Variants in NDUFAF2 observed in about 807,000 individuals in gnomAD.
NDUFAF2 encodes NADH dehydrogenase [ubiquinone] 1 alpha subcomplex assembly factor 2.
In NDUFAF2, 13 loss-of-function variants were observed where a neutral mutation model predicts 22.8. The ratio of observed to expected loss-of-function variants is 0.57; its 90% CI spans 0.37 to 0.91. The LOEUF (loss-of-function observed/expected upper bound fraction) is 0.91, where lower values mean the gene tolerates loss of function less well. NDUFAF2 is among the 40% of genes least tolerant of loss of function. The probability of loss-of-function intolerance (pLI) is 0.01; values close to 1 mark genes in which losing one functional copy is unlikely to be tolerated. For missense variants in NDUFAF2, 162 were observed against 195.2 expected, an observed-to-expected ratio of 0.83 and a Z score of 1.01; for synonymous variants, 53 against 64.2, an observed-to-expected ratio of 0.83 and a Z score of 0.84.
At chr5:61,119,735 G>A (rs1329222448) in intron 3 of NDUFAF2, among the ~76,000 whole-genome samples, 3 of 152,114 alleles carry the variant, frequency 2.0e-5, no homozygotes, top group African/African-American at 7.2e-5. Flanking sequence ...TCCTGCCTTT[G>A]ATCAGGCAAA....
At chr5:61,057,142 G>C (rs896662635) in intron 1 of NDUFAF2, among the ~76,000 whole-genome samples, 5 of 151,588 alleles carry the variant, frequency 3.3e-5, no homozygotes, top group African/African-American at 1.2e-4. Context: ...TTGGAGAGTT[G>C]TTTTTCCCTC....
chr5:60,984,843 G>C (rs979768369), intron 1 of NDUFAF2, among the ~76,000 whole-genome samples: 1 of 151,984 alleles, frequency 6.6e-6, no homozygotes, highest in Admixed American at 6.5e-5. Flanking sequence ...AGGGATGTTG[G>C]TGTAAAATTC....
At chr5:61,119,111 G>A (rs374969716) in intron 3 of NDUFAF2, among the ~76,000 whole-genome samples, 6 of 152,256 alleles carry the variant, frequency 3.9e-5, no homozygotes, top group African/African-American at 1.4e-4. Context: ...ACTGAAAAAT[G>A]GGATACTTGA....
At chr5:60,982,424 G>A (rs1433199311) in intron 1 of NDUFAF2, among the ~76,000 whole-genome samples, 1 of 151,890 alleles carries the variant, frequency 6.6e-6, no homozygotes, top group Non-Finnish European at 1.5e-5. Flanking sequence ...TATACTTTAA[G>A]TTTTAGGGTA....
chr5:61,014,397 C>T (rs565666337), intron 1 of NDUFAF2, among the ~76,000 whole-genome samples: 1 of 152,230 alleles, frequency 6.6e-6, no homozygotes, highest in African/African-American at 2.4e-5. Context: ...CAGATTTCAC[C>T]CTATATATAC....
intron 1 of NDUFAF2, among the ~76,000 whole-genome samples, chr5:61,053,049 T>C (rs1338590315): frequency 6.6e-6 from 1 of 152,166 alleles, no homozygotes; most frequent in East Asian, 1.9e-4. Context: ...GCATGAGCCA[T>C]AAAAATCTCC....
intron 1 of NDUFAF2, among the ~76,000 whole-genome samples, chr5:60,972,211 G>A (rs1440117744): frequency 6.6e-6 from 1 of 151,342 alleles, no homozygotes; most frequent in Non-Finnish European, 1.5e-5. Flanking sequence ...AAAGTGCTGA[G>A]ATTACAGGCA....
At chr5:60,981,587 GAC>G (rs1750978132) in intron 1 of NDUFAF2, among the ~76,000 whole-genome samples, 1 of 152,102 alleles carries the variant, frequency 6.6e-6, no homozygotes, top group Non-Finnish European at 1.5e-5. Flanking sequence ...TAAGTAGAAA[GAC>G]AAAAAGATGA....
At chr5:61,056,958 A>G (rs553311943) in intron 1 of NDUFAF2, among the ~76,000 whole-genome samples, 43 of 133,438 alleles carry the variant, frequency 3.2e-4, no homozygotes, top group African/African-American at 1.1e-3. Context: ...ATATATTTAT[A>G]TGGTGCTATA....
At chr5:61,106,441 A>T (rs1752763602) in intron 3 of NDUFAF2, among the ~76,000 whole-genome samples, 1 of 151,236 alleles carries the variant, frequency 6.6e-6, no homozygotes, top group Admixed American at 6.6e-5. Context: ...ATATACTTAG[A>T]AGGTTCTTGA....
chr5:61,019,364 A>G lies in NDUFAF2; in HGVS notation c.128-53761A>G, dbSNP rs538373648. Among the ~76,000 whole-genome samples the G allele has an allele frequency of 3.9e-5, 6 of 151,998 alleles. No homozygotes were observed. In the South Asian group the frequency reaches 8.3e-4, roughly 21 times the overall value. Reference sequence around the variant, plus strand: ...CTGTATAAGTATTAGCTGCTATTCTACCTTCTTCTTGTTTTCCCTCTTCTC... The same window carrying G: ...CTGTATAAGTATTAGCTGCTATTCTGCCTTCTTCTTGTTTTCCCTCTTCTC... On this transcript the variant is annotated intron_variant, in intron 1 of 3. Transcript: ENST00000296597.
At chr5:60,951,981 T>G (rs1236194484) in intron 1 of NDUFAF2, among the ~76,000 whole-genome samples, 3 of 151,260 alleles carry the variant, frequency 2.0e-5, no homozygotes, top group African/African-American at 7.3e-5. Flanking sequence ...TTTGCCCTTT[T>G]TATCTAGTAT....
intron 1 of NDUFAF2, among the ~76,000 whole-genome samples, chr5:61,066,111 C>T (rs1247305973): frequency 1.3e-5 from 2 of 151,854 alleles, no homozygotes; most frequent in Non-Finnish European, 2.9e-5. Context: ...TTTATGACAG[C>T]ATTAAATAAC....
chr5:61,015,503 A>G (rs1169349987), intron 1 of NDUFAF2, among the ~76,000 whole-genome samples: 1 of 151,996 alleles, frequency 6.6e-6, no homozygotes, highest in East Asian at 1.9e-4. Flanking sequence ...GCTGGTCTTG[A>G]ACTCCTGACC....
At chr5:61,024,330 A>G (rs34597) in intron 1 of NDUFAF2, among the ~76,000 whole-genome samples, 11,636 of 152,010 alleles carry the variant, frequency 0.077, 596 homozygotes, top group Non-Finnish European at 0.11. Context: ...TACCTAATAA[A>G]TATTCAGTAA....
chr5:61,110,372 C>T lies in NDUFAF2; in HGVS notation c.258+11340C>T, dbSNP rs552253594. 5.3e-5 allele frequency among the ~76,000 whole-genome samples: 8 copies of T among 151,934 alleles called. No individual in the cohort carries two copies. The South Asian group carries it at 1.0e-3, about 20-fold the overall frequency. Reference sequence around the variant, plus strand: ...AGTGAGTTTGGAAGTATTCCCTCCTCCATTTTTCGGACTAGTTTGAGGAAG... The same window carrying T: ...AGTGAGTTTGGAAGTATTCCCTCCTTCATTTTTCGGACTAGTTTGAGGAAG... On this transcript the variant is annotated intron_variant, in intron 3 of 3. Coordinates refer to ENST00000296597, the MANE Select transcript of NDUFAF2 (RefSeq NM_174889.5).
In NDUFAF2 at chr5:61,056,889, C is replaced by CA. The variant is rs144850054; in HGVS notation, c.128-16205dup. On this transcript the variant is annotated intron_variant, in intron 1 of 3. Transcript: ENST00000296597. Reference sequence around the variant, plus strand: ...GGGCAACAGAACGACACTCTGTCTCCAAAAAAAAAAAAAAAAAAAAAAAAA... The same window carrying CA: ...GGGCAACAGAACGACACTCTGTCTCCAAAAAAAAAAAAAAAAAAAAAAAAAA... 1.0e-3 allele frequency among the ~76,000 whole-genome samples: 49 copies of CA among 46,794 alleles called. 2 individuals are homozygous for CA. The highest frequency in any genetic ancestry group is 0.025 in the Middle Eastern group (1 of 40). The allele number at this position is 46,794 out of a possible 152,430, so 30.7% of individuals were successfully genotyped here. A position where few individuals can be genotyped will look rare whatever the true frequency, so the allele number is the denominator to read the frequency against.
At chr5:60,985,204 G>C (rs1401724186) in intron 1 of NDUFAF2, among the ~76,000 whole-genome samples, 1 of 152,168 alleles carries the variant, frequency 6.6e-6, no homozygotes, top group Non-Finnish European at 1.5e-5. Context: ...AGTATTCTAT[G>C]ATGGTAGTTT....
chr5:60,964,697 C>T (rs903668588), intron 1 of NDUFAF2, among the ~76,000 whole-genome samples: 3 of 152,120 alleles, frequency 2.0e-5, no homozygotes, highest in Admixed American at 6.5e-5. Flanking sequence ...AGTGATCTGC[C>T]TGCCTTGGCC....
Sources: gnomAD v4.1 joint callset for allele counts (sites outside exome capture counted in the v4.1 genomes callset) on GRCh38, gnomAD v4.1.1 for gene constraint, MANE v1.5 for transcripts, NCBI Gene and HGNC (gene_info 2026-07-23, HGNC 2026-07-21) for gene names.